LARGE1: variants seen among roughly 807,000 people sequenced by gnomAD.
LARGE1 encodes the protein xylosyl- and glucuronyltransferase LARGE1.
In LARGE1, 43 loss-of-function variants were observed where a neutral mutation model predicts 87.6. The ratio of observed to expected loss-of-function variants is 0.49; its 90% CI spans 0.38 to 0.63. The LOEUF (loss-of-function observed/expected upper bound fraction) is 0.63, where lower values mean the gene tolerates loss of function less well. LARGE1 is among the 30% of genes least tolerant of loss of function. The probability of loss-of-function intolerance (pLI) is 0.00; values close to 1 mark genes in which losing one functional copy is unlikely to be tolerated. For synonymous variants in LARGE1, 434 were observed against 394.6 expected (o/e 1.10, Z -1.18); for missense variants, 802 against 1,000.2 (o/e 0.80, Z 2.67).
chr22:33,579,631 T>C (rs1173216402), intron 5 of LARGE1, among the ~76,000 whole-genome samples: 1 of 152,176 alleles, frequency 6.6e-6, no homozygotes, highest in East Asian at 1.9e-4. Context: ...CTACTGGGCC[T>C]ACCCCAGAAA....
chr22:33,550,386 G>A (rs1350401994), intron 6 of LARGE1, among the ~76,000 whole-genome samples: 1 of 152,140 alleles, frequency 6.6e-6, no homozygotes, highest in African/African-American at 2.4e-5. Flanking sequence ...ATTTGGCAAC[G>A]CCTAGAGATA....
chr22:33,587,520 C>T (rs1169325857), intron 5 of LARGE1, among the ~76,000 whole-genome samples: 3 of 151,970 alleles, frequency 2.0e-5, no homozygotes, highest in African/African-American at 7.3e-5. Flanking sequence ...CATTTTTTTG[C>T]GAGTTCCCTT....
chr22:33,318,592 T>C (rs987635092), intron 10 of LARGE1, among the ~76,000 whole-genome samples: 1 of 151,792 alleles, frequency 6.6e-6, no homozygotes, highest in Non-Finnish European at 1.5e-5. Flanking sequence ...CACCGGGGCC[T>C]GTTGTGGGGT....
At chr22:33,598,747 C>T (rs1277469676) in intron 5 of LARGE1, among the ~76,000 whole-genome samples, 2 of 152,174 alleles carry the variant, frequency 1.3e-5, no homozygotes, top group African/African-American at 4.8e-5. Context: ...TGTCTATGTG[C>T]CACATTTTCT....
rs113355241 is a variant in LARGE1, at chr22:33,679,468, GCACA to G, written c.107-28804_107-28801del. Among the ~76,000 whole-genome samples the G allele has an allele frequency of 3.0e-4, 44 of 147,588 alleles. No individual in the cohort carries two copies. In the East Asian group the frequency reaches 5.2e-3, roughly 17 times the overall value. Reference sequence around the variant, plus strand: ...GAAATTTGGGGACAGACACACACACGCACACACACACACACACACACACGAAGAA... The same window carrying G: ...GAAATTTGGGGACAGACACACACACGCACACACACACACACACACGAAGAA... On this transcript the variant is annotated intron_variant, in intron 2 of 14. Coordinates refer to ENST00000397394, the MANE Select transcript of LARGE1 (RefSeq NM_133642.5).
At chr22:33,303,011 G>T (rs1005457437) in intron 12 of LARGE1, among the ~76,000 whole-genome samples, 3 of 152,172 alleles carry the variant, frequency 2.0e-5, no homozygotes, top group African/African-American at 7.2e-5. Flanking sequence ...CTGACCAATG[G>T]CAGTAAATAA....
At chr22:33,829,000 C>CTTTTTTTTTTT in intron 1 of LARGE1, among the ~76,000 whole-genome samples, 1 of 106,198 alleles carries the variant, frequency 9.4e-6, no homozygotes, top group Non-Finnish European at 1.9e-5. Flanking sequence ...TGTGAAGTCT[C>CTTTTTTTTTTT]TTTTTCTTTT....
chr22:33,473,462 G>A (rs780198050), intron 6 of LARGE1, among the ~76,000 whole-genome samples: 5 of 152,018 alleles, frequency 3.3e-5, no homozygotes, highest in East Asian at 1.9e-4. Context: ...TGATTCTCCC[G>A]CCTCAGCCTC....
At chr22:33,142,977 C>A in the LARGE1 span, among the ~76,000 whole-genome samples, 9 of 152,184 alleles carry the variant, frequency 5.9e-5, no homozygotes, top group African/African-American at 1.9e-4. Flanking sequence ...GGAGGAAAAT[C>A]TGTAGTGTCC....
intron 6 of LARGE1, among the ~76,000 whole-genome samples, chr22:33,512,299 C>T (rs926577673): frequency 1.3e-5 from 2 of 151,930 alleles, no homozygotes; most frequent in Admixed American, 6.6e-5. Flanking sequence ...CTTCAAAATA[C>T]CAGAAACATC....
At chr22:33,572,814 G>C (rs1311055091) in intron 5 of LARGE1, among the ~76,000 whole-genome samples, 1 of 152,128 alleles carries the variant, frequency 6.6e-6, no homozygotes, top group East Asian at 1.9e-4. Context: ...AGGTTGCAGT[G>C]AGCCAAGATC....
At chr22:33,448,611 G>A (rs189041934) in intron 6 of LARGE1, among the ~76,000 whole-genome samples, 118 of 152,196 alleles carry the variant, frequency 7.8e-4, no homozygotes, top group Non-Finnish European at 1.4e-3. Context: ...AGACTTTAAG[G>A]TGTCCCAGAT....
chr22:33,397,342 C>T (rs1245195792), intron 7 of LARGE1, among the ~76,000 whole-genome samples: 2 of 152,046 alleles, frequency 1.3e-5, no homozygotes, highest in Non-Finnish European at 2.9e-5. Flanking sequence ...CTCGAACTCC[C>T]GACCTCAGCT....
At chr22:33,912,010 T>G (rs879903532) in intron 1 of LARGE1, among the ~76,000 whole-genome samples, 6 of 152,176 alleles carry the variant, frequency 3.9e-5, no homozygotes, top group African/African-American at 1.4e-4. Context: ...CACAACTACT[T>G]ACTAACTGCA....
intron 2 of LARGE1, among the ~76,000 whole-genome samples, chr22:33,689,484 G>A (rs2082035515): frequency 6.6e-6 from 1 of 152,212 alleles, no homozygotes; most frequent in South Asian, 2.1e-4. Context: ...TAGGGGAGAA[G>A]TGATTTGGGG....
intron 12 of LARGE1, among the ~76,000 whole-genome samples, chr22:33,286,906 G>C (rs1931650529): frequency 6.6e-6 from 1 of 152,186 alleles, no homozygotes; most frequent in South Asian, 2.1e-4. Flanking sequence ...ATAGAAGCAA[G>C]CTCTCAGAGC....
intron 2 of LARGE1, among the ~76,000 whole-genome samples, chr22:33,744,543 G>C (rs548947450): frequency 6.6e-6 from 1 of 152,290 alleles, no homozygotes; most frequent in East Asian, 1.9e-4. Flanking sequence ...CTTTCCCATG[G>C]GTCCTCAGAG....
chr22:33,774,094 C>T (rs562481479), intron 1 of LARGE1, among the ~76,000 whole-genome samples: 4 of 148,644 alleles, frequency 2.7e-5, no homozygotes, highest in South Asian at 2.1e-4. Flanking sequence ...GGTGGAGGGG[C>T]GGATGGAAAA....
At chr22:33,406,850 T>C (rs756158163) in intron 7 of LARGE1, among the ~76,000 whole-genome samples, 1 of 152,210 alleles carries the variant, frequency 6.6e-6, no homozygotes, top group Non-Finnish European at 1.5e-5. Flanking sequence ...TGGAGTGCAA[T>C]GGCACGATCT....
Sources: gnomAD v4.1 joint callset for allele counts (sites outside exome capture counted in the v4.1 genomes callset) on GRCh38, gnomAD v4.1.1 for gene constraint, MANE v1.5 for transcripts, NCBI Gene and HGNC (gene_info 2026-07-23, HGNC 2026-07-21) for gene names.